KLHL24: variants seen among roughly 807,000 people sequenced by gnomAD.
KLHL24 encodes the protein kelch like family member 24.
Under a neutral mutation model 53.4 loss-of-function variants are expected in KLHL24, and 29 were observed. That is an observed-to-expected ratio of 0.54 (90% confidence interval 0.40 to 0.74). The LOEUF (loss-of-function observed/expected upper bound fraction) is 0.74, where lower values mean the gene tolerates loss of function less well. Ranked by LOEUF, KLHL24 falls within the 30% of genes least tolerant of loss-of-function variation. The pLI is 0.00. For synonymous variants in KLHL24, 222 were observed against 253.7 expected, an observed-to-expected ratio of 0.88 and a Z score of 1.19; for missense variants, 504 against 744.0, an observed-to-expected ratio of 0.68 and a Z score of 3.75.
chr3:183,641,347 G>A (rs1464110242), intron 1 of KLHL24, among the ~76,000 whole-genome samples: 2 of 151,750 alleles, frequency 1.3e-5, no homozygotes, highest in Admixed American at 6.6e-5. Context: ...ACATGGTGGC[G>A]CACACCTGTA....
chr3:183,672,232 C>G (rs926166556), intron 6 of KLHL24, 64 bp from the exon 7 acceptor site: 1 of 812,228 alleles, frequency 1.2e-6, no homozygotes, highest in African/African-American at 1.7e-5. Flanking sequence ...TTGGTAGATT[C>G]TTTATTAAGT....
chr3:183,656,099 T>G (rs1454824479), intron 3 of KLHL24, among the ~76,000 whole-genome samples: 2 of 141,806 alleles, frequency 1.4e-5, no homozygotes, highest in Admixed American at 7.4e-5. Context: ...CAGACTGGTG[T>G]GTAGTGGTGC....
At chr3:183,676,188 C>T (rs1382658704) in intron 7 of KLHL24, among the ~76,000 whole-genome samples, 9 of 152,276 alleles carry the variant, frequency 5.9e-5, no homozygotes, top group Non-Finnish European at 7.4e-5. Context: ...CTCCGCCTCC[C>T]GGGTTCAAGT....
intron 5 of KLHL24, among the ~76,000 whole-genome samples, chr3:183,669,806 T>A (rs972412364): frequency 6.6e-6 from 1 of 151,966 alleles, no homozygotes; most frequent in African/African-American, 2.4e-5. Flanking sequence ...TTGAGAGGAA[T>A]GAAATGTTGT....
intron 3 of KLHL24, 34 bp downstream of exon 3, chr3:183,651,310 AG>A: frequency 6.6e-7 from 1 of 1,507,550 alleles, no homozygotes; most frequent in Non-Finnish European, 9.1e-7. Context: ...AGTTAACAAA[AG>A]TTTTTAATAT....
intron 3 of KLHL24, among the ~76,000 whole-genome samples, chr3:183,661,970 GAA>G (rs938329402): frequency 3.9e-5 from 6 of 152,236 alleles, no homozygotes; most frequent in African/African-American, 7.2e-5. Context: ...TATATGGAAA[GAA>G]TGATAGATAA....
At chr3:183,648,712 G>A (rs945284445) in intron 2 of KLHL24, among the ~76,000 whole-genome samples, 6 of 152,214 alleles carry the variant, frequency 3.9e-5, no homozygotes, top group African/African-American at 7.2e-5. Context: ...TAACCTTAAA[G>A]AGAATTGGGC....
At position 183,682,364 on chromosome 3, in the gene KLHL24, T is replaced by G. The variant is rs1410787505; in HGVS notation, c.*3078T>G. On this transcript the variant is annotated 3_prime_UTR_variant, in exon 8 of 8. Transcript: ENST00000242810. ...TTTCTACTGTAATCTTCCCACTGAC[T>G]TTACTGCACAGGTATGAAATACTAG... The G allele has an allele frequency of 6.6e-6, 1 of 152,574 alleles. No individual in the cohort carries two copies. The highest frequency in any genetic ancestry group is 6.5e-5 in the Admixed American group (1 of 15,286). The allele number at this position is 152,574 out of a possible 1,614,324, so 9.5% of individuals were successfully genotyped here. A position where few individuals can be genotyped will look rare whatever the true frequency, so the allele number is the denominator to read the frequency against.
At chr3:183,671,461 GA>G (rs1385337273) in intron 6 of KLHL24, among the ~76,000 whole-genome samples, 1 of 152,160 alleles carries the variant, frequency 6.6e-6, no homozygotes, top group Non-Finnish European at 1.5e-5. Flanking sequence ...TATCTGTGTA[GA>G]AGTTTTCTAC....
chr3:183,670,627 A>G (rs898020545), intron 5 of KLHL24, among the ~76,000 whole-genome samples: 3 of 152,214 alleles, frequency 2.0e-5, no homozygotes, highest in African/African-American at 4.8e-5. Context: ...TTCATTACCC[A>G]TAAGTGTGAA....
intron 3 of KLHL24, among the ~76,000 whole-genome samples, chr3:183,661,026 C>A (rs1719687377): frequency 8.1e-6 from 1 of 123,576 alleles, no homozygotes; most frequent in Non-Finnish European, 1.7e-5. Flanking sequence ...GATTGCGCCA[C>A]CGCACTCCAG....
At chr3:183,662,695 C>T (rs1004344446) in intron 3 of KLHL24, among the ~76,000 whole-genome samples, 2 of 151,992 alleles carry the variant, frequency 1.3e-5, no homozygotes, top group Non-Finnish European at 2.9e-5. Context: ...TTTTTGCATT[C>T]TAAAAATAGC....
chr3:183,638,001 A>G (rs560566462), intron 1 of KLHL24, among the ~76,000 whole-genome samples: 44 of 152,316 alleles, frequency 2.9e-4, no homozygotes, highest in Non-Finnish European at 5.0e-4. Context: ...GCTCCCCTGG[A>G]TGAAGCAGGA....
At position 183,679,511 on chromosome 3, in the gene KLHL24, T is replaced by C. The variant is rs893556401; in HGVS notation, c.*225T>C. 3.0e-5 allele frequency: 15 copies of C among 501,068 alleles called. No homozygotes were observed. Among genetic ancestry groups the C allele is most frequent in the African/African-American group, 1.2e-4 (6 of 52,062 alleles). 31.0% of individuals were successfully genotyped at this position (501,068 alleles called of 1,614,324 possible). On this transcript the variant is annotated 3_prime_UTR_variant, in exon 8 of 8. Coordinates refer to ENST00000242810, the MANE Select transcript of KLHL24 (RefSeq NM_017644.3). Reference sequence around the variant, plus strand: ...GTTAAAGGTAATGGTGGTTGTTACTTGGCCTTTGAAGAGTGTACCTTTGTA... The same window carrying C: ...GTTAAAGGTAATGGTGGTTGTTACTCGGCCTTTGAAGAGTGTACCTTTGTA...
intron 5 of KLHL24, among the ~76,000 whole-genome samples, chr3:183,665,766 A>C (rs1340815122): frequency 1.3e-5 from 2 of 152,136 alleles, no homozygotes; most frequent in Admixed American, 1.3e-4. Context: ...TAAAAATAAA[A>C]ATAAAAAAAC....
chr3:183,640,729 A>T (rs533819138), intron 1 of KLHL24, among the ~76,000 whole-genome samples: 4 of 151,396 alleles, frequency 2.6e-5, no homozygotes, highest in East Asian at 1.9e-4. Context: ...CCTCCTGAGT[A>T]GCTGGGATTA....
chr3:183,652,273 G>T (rs112587938), intron 3 of KLHL24, among the ~76,000 whole-genome samples: 2 of 151,914 alleles, frequency 1.3e-5, no homozygotes, highest in African/African-American at 4.8e-5. Context: ...AATACTTATC[G>T]ATTTTAATTC....
chr3:183,639,357 G>C lies in KLHL24; in HGVS notation c.-125+3564G>C, dbSNP rs566937389. On this transcript the variant is annotated intron_variant, in intron 1 of 7. Transcript: ENST00000242810. ...TTAGATCTCAAATTTGTGGCCGGGC[G>C]CGGTGGCTCACGCCTGTAATCCCAG... Among the ~76,000 whole-genome samples, 13 of 152,244 alleles carry C rather than the reference G, an allele frequency of 8.5e-5. No individual in the cohort carries two copies. The East Asian group carries it at 1.6e-3, about 18-fold the overall frequency.
chr3:183,674,297 T>TTCTTTC (rs1721821908), intron 7 of KLHL24, among the ~76,000 whole-genome samples: 1 of 150,970 alleles, frequency 6.6e-6, no homozygotes, highest in Non-Finnish European at 1.5e-5. Context: ...CTTTCTTTCT[T>TTCTTTC]TCTTTCCTTT....
Sources: allele counts gnomAD v4.1 joint callset (sites outside exome capture counted in the v4.1 genomes callset), GRCh38; gene constraint gnomAD v4.1.1; transcripts MANE v1.5; gene names NCBI Gene and HGNC (gene_info 2026-07-23, HGNC 2026-07-21).